Variants in UBE3D observed in about 807,000 individuals in gnomAD.
UBE3D encodes the protein ubiquitin protein ligase E3D.
A neutral mutation model predicts 49.6 loss-of-function variants in UBE3D; 48 were observed. The ratio of observed to expected loss-of-function variants is 0.97; its 90% CI spans 0.77 to 1.23. The LOEUF is 1.23. Among genes scored for constraint, UBE3D ranks in the 50% most tolerant of loss-of-function variants. The probability of loss-of-function intolerance (pLI) is 0.00; values close to 1 mark genes in which losing one functional copy is unlikely to be tolerated. For synonymous variants in UBE3D, 189 were observed against 174.2 expected (o/e 1.08, Z -0.67); for missense variants, 452 against 468.4 (o/e 0.96, Z 0.32).
chr6:83,001,553 G>A (rs562048604), intron 8 of UBE3D, among the ~76,000 whole-genome samples: 1 of 152,232 alleles, frequency 6.6e-6, no homozygotes, highest in South Asian at 2.1e-4. Context: ...CTTCTCTCCA[G>A]TTCACCTCTT....
chr6:82,952,457 C>T (rs976511157), intron 9 of UBE3D, among the ~76,000 whole-genome samples: 1 of 151,400 alleles, frequency 6.6e-6, no homozygotes, highest in Non-Finnish European at 1.5e-5. Context: ...GATAGGGTCT[C>T]ACTCTCACCC....
intron 6 of UBE3D, among the ~76,000 whole-genome samples, chr6:83,023,205 T>A (rs118180458): frequency 0.01 from 1,545 of 152,290 alleles, 25 homozygotes; most frequent in East Asian, 0.081. Flanking sequence ...CTGACCCATG[T>A]TTCAAATTTT....
Position 83,057,784 on chromosome 6 carries a change from C to G in UBE3D, c.274+42G>C, listed in dbSNP as rs1360304053. 4.4e-6 allele frequency: 7 copies of G among 1,594,594 alleles called. No individual in the cohort carries two copies. In the East Asian group the frequency reaches 1.1e-4, roughly 26 times the overall value. Reference sequence around the variant, plus strand: ...AGGAAAAATCACCTTTGGTTTATAACAAAAAGGTAAATACAGCAGCAGAAG... The same window carrying G: ...AGGAAAAATCACCTTTGGTTTATAAGAAAAAGGTAAATACAGCAGCAGAAG... On this transcript the variant is annotated intron_variant, in intron 2 of 9. Transcript: ENST00000369747.
intron 8 of UBE3D, among the ~76,000 whole-genome samples, chr6:82,971,107 T>C (rs922795938): frequency 1.3e-5 from 2 of 152,176 alleles, no homozygotes; most frequent in Admixed American, 1.3e-4. Flanking sequence ...CAGTCAAAAT[T>C]CTCTTTTTCT....
At chr6:82,936,733 T>C (rs1384360531) in intron 9 of UBE3D, among the ~76,000 whole-genome samples, 2 of 152,290 alleles carry the variant, frequency 1.3e-5, no homozygotes, top group Admixed American at 6.5e-5. Flanking sequence ...TGCCCAGACA[T>C]GATCACTTGG....
chr6:83,035,483 A>G (rs1439518906), intron 5 of UBE3D, among the ~76,000 whole-genome samples: 1 of 152,222 alleles, frequency 6.6e-6, no homozygotes, highest in African/African-American at 2.4e-5. Flanking sequence ...TCGACTGTGT[A>G]TAGAATTCTG....
At chr6:83,035,932 C>G (rs1335263943) in intron 5 of UBE3D, 1 of 151,938 alleles carries the variant, frequency 6.6e-6, no homozygotes, top group Non-Finnish European at 1.5e-5. Context: ...AGACATTACA[C>G]TAAGTGCTGA....
At chr6:83,000,845 C>CT (rs36049759) in intron 8 of UBE3D, among the ~76,000 whole-genome samples, 6,314 of 140,902 alleles carry the variant, frequency 0.045, 144 homozygotes, top group South Asian at 0.059. Context: ...AGCATCAATT[C>CT]TTTTTTTTTT....
intron 9 of UBE3D, among the ~76,000 whole-genome samples, chr6:82,904,696 T>C (rs1771974016): frequency 6.6e-6 from 1 of 152,174 alleles, no homozygotes; most frequent in Non-Finnish European, 1.5e-5. Flanking sequence ...AATGAACAAA[T>C]TCATGTTTAA....
Position 82,960,040 on chromosome 6 carries a change from CT to C in UBE3D, c.1011-2591del, listed in dbSNP as rs544694746. Among the ~76,000 whole-genome samples, 21 of 152,270 alleles carry C rather than the reference CT, an allele frequency of 1.4e-4. No homozygotes were observed. The South Asian group carries it at 4.4e-3, about 32-fold the overall frequency. On this transcript the variant is annotated intron_variant, in intron 8 of 9. Transcript: ENST00000369747. ...TCATCTTGGCAATTTCATTCAGTGT[CT>C]CTTCTGTATGCAGGAGCTCCTAGCT...
At chr6:83,004,242 C>T (rs1032036769) in intron 8 of UBE3D, among the ~76,000 whole-genome samples, 1 of 152,158 alleles carries the variant, frequency 6.6e-6, no homozygotes, top group African/African-American at 2.4e-5. Context: ...CTGACACATT[C>T]TAAACTACCA....
chr6:82,888,989 TATCTTAAAATGTAAAAGC>T (rs898434001), downstream of UBE3D, among the ~76,000 whole-genome samples: 1 of 152,234 alleles, frequency 6.6e-6, no homozygotes, highest in African/African-American at 2.4e-5. Flanking sequence ...AGGTAAAACC[TATCTTAAAATGTAAAAGC>T]ATCTTAAAAT....
intron 8 of UBE3D, among the ~76,000 whole-genome samples, chr6:82,998,222 A>G (rs954378575): frequency 6.6e-6 from 1 of 152,244 alleles, no homozygotes; most frequent in Admixed American, 6.5e-5. Flanking sequence ...TTTGCAATAG[A>G]GGTACATGCA....
chr6:82,951,616 G>A (rs1028675912), intron 9 of UBE3D, among the ~76,000 whole-genome samples: 10 of 152,172 alleles, frequency 6.6e-5, no homozygotes, highest in African/African-American at 1.2e-4. Flanking sequence ...CCTTTGCCAC[G>A]TTACTACTTT....
intron 9 of UBE3D, among the ~76,000 whole-genome samples, chr6:82,935,661 C>A (rs1420450976): frequency 1.3e-5 from 2 of 151,528 alleles, no homozygotes; most frequent in African/African-American, 4.9e-5. Flanking sequence ...ATCTTACAGG[C>A]CAGCAGGAAA....
intron 9 of UBE3D, among the ~76,000 whole-genome samples, chr6:82,935,815 T>A (rs1160381207): frequency 6.6e-6 from 1 of 151,938 alleles, no homozygotes; most frequent in Non-Finnish European, 1.5e-5. Flanking sequence ...AGCTTAGCCA[T>A]CACTAAAGAC....
intron 8 of UBE3D, among the ~76,000 whole-genome samples, chr6:82,985,927 C>T (rs190004529): frequency 6.6e-6 from 1 of 152,162 alleles, no homozygotes; most frequent in East Asian, 1.9e-4. Flanking sequence ...CTTAATAATA[C>T]ATTTTAATAT....
At chr6:83,006,198 C>A (rs1779967767) in intron 8 of UBE3D, among the ~76,000 whole-genome samples, 1 of 152,092 alleles carries the variant, frequency 6.6e-6, no homozygotes, top group East Asian at 1.9e-4. Context: ...GCACTCCAGC[C>A]TGAGTGACAG....
chr6:83,017,806 C>G (rs1780798749), intron 8 of UBE3D: 1 of 151,956 alleles, frequency 6.6e-6, no homozygotes, highest in Admixed American at 6.6e-5. Flanking sequence ...AACAAACATA[C>G]AAGATCACAA....
Sources: gnomAD v4.1 joint callset for allele counts (sites outside exome capture counted in the v4.1 genomes callset) on GRCh38, gnomAD v4.1.1 for gene constraint, MANE v1.5 for transcripts, NCBI Gene and HGNC (gene_info 2026-07-23, HGNC 2026-07-21) for gene names.